SEL1L2: variants seen among roughly 807,000 people sequenced by gnomAD.
The protein encoded by SEL1L2 is protein sel-1 homolog 2.
SEL1L2 carries 89 observed loss-of-function variants against 98.8 expected under a neutral mutation model. The observed-to-expected ratio is 0.90, with a 90% CI of 0.76 to 1.07. SEL1L2 has a LOEUF of 1.07. Ranked by LOEUF, SEL1L2 falls within the 50% of genes least tolerant of loss-of-function variation. SEL1L2 has a pLI of 0.00. For synonymous variants in SEL1L2, 262 were observed against 278.5 expected (o/e 0.94, Z 0.59); for missense variants, 788 against 812.0 (o/e 0.97, Z 0.36).
chr20:13,943,178 T>A (rs971491910), intron 2 of SEL1L2, among the ~76,000 whole-genome samples: 1 of 152,146 alleles, frequency 6.6e-6, no homozygotes, highest in African/African-American at 2.4e-5. Context: ...CCTTCTAATA[T>A]CACCAAATAA....
chr20:13,964,514 G>A (rs1406587028), intron 1 of SEL1L2, among the ~76,000 whole-genome samples: 1 of 141,274 alleles, frequency 7.1e-6, no homozygotes, highest in Non-Finnish European at 1.5e-5. Context: ...GTGCAATGGC[G>A]CAATCTCAGC....
rs2046086853 is a variant in SEL1L2, at chr20:13,869,576, T to G, written c.1182A>C (p.Ala394=). The G allele has an allele frequency of 6.2e-7, 1 of 1,613,884 alleles. No individual in the cohort carries two copies. The highest frequency in any genetic ancestry group is 1.3e-5 in the African/African-American group (1 of 74,928). ...GKGVPLNYAE[A]LKYFQKAAEK... ...CCGCAGCTTTCTGAAAGTATTTAAGTGCTTCGGCATAATTCTGCAAGATAA... is the reference window on the plus strand; with the variant it reads ...CCGCAGCTTTCTGAAAGTATTTAAGGGCTTCGGCATAATTCTGCAAGATAA... The change falls in exon 14 of 20, where the codon GCA becomes GCC. Residue 394 remains alanine, a synonymous_variant. Coordinates refer to ENST00000284951, the MANE Select transcript of SEL1L2 (RefSeq NM_025229.2).
intron 2 of SEL1L2, among the ~76,000 whole-genome samples, chr20:13,948,964 C>T (rs2050139295): frequency 6.6e-6 from 1 of 152,060 alleles, no homozygotes; most frequent in African/African-American, 2.4e-5. Context: ...CTATGTTTAT[C>T]CAAAAAACTA....
chr20:13,924,249 A>G lies in SEL1L2; in HGVS notation c.284-5126T>C, dbSNP rs1023777211. 4.6e-5 allele frequency among the ~76,000 whole-genome samples: 7 copies of G among 151,314 alleles called. No individual in the cohort carries two copies. In the South Asian group the frequency reaches 6.3e-4, roughly 14 times the overall value. On this transcript the variant is annotated intron_variant, in intron 3 of 19. Transcript: ENST00000284951. ...AAGTATGGTATTTTTCTTTCAATCT[A>G]AGAGTATCTCTTCTTCAACTTGGTT...
intron 2 of SEL1L2, among the ~76,000 whole-genome samples, chr20:13,937,286 G>A (rs942292086): frequency 6.6e-6 from 1 of 152,162 alleles, no homozygotes; most frequent in African/African-American, 2.4e-5. Flanking sequence ...GTGAAAAAGG[G>A]GTCCTCGGAG....
upstream of SEL1L2, among the ~76,000 whole-genome samples, chr20:13,991,243 T>C (rs753433590): frequency 5.3e-5 from 8 of 152,242 alleles, no homozygotes; most frequent in African/African-American, 9.6e-5. Context: ...TGAGAAATTA[T>C]GCCTACAAAA....
chr20:13,960,428 T>C (rs1468326909), intron 1 of SEL1L2, among the ~76,000 whole-genome samples: 2 of 152,146 alleles, frequency 1.3e-5, no homozygotes, highest in Admixed American at 6.5e-5. Flanking sequence ...AGCATATAAC[T>C]GAAGGAATTA....
chr20:13,984,019 CTTT>C (rs11475402), intron 1 of SEL1L2, among the ~76,000 whole-genome samples: 27 of 132,146 alleles, frequency 2.0e-4, no homozygotes, highest in Non-Finnish European at 2.2e-4. Context: ...AATCAGATTC[CTTT>C]TTTTTTTTTT....
chr20:13,926,090 G>A (rs759594505), intron 3 of SEL1L2, among the ~76,000 whole-genome samples: 1 of 152,308 alleles, frequency 6.6e-6, no homozygotes, highest in South Asian at 2.1e-4. Flanking sequence ...AGGACAAGGC[G>A]GGCGAATCAC....
chr20:13,850,481 C>G (rs537377666), intron 18 of SEL1L2, among the ~76,000 whole-genome samples, 162 bp from the exon 19 acceptor site: 2 of 152,240 alleles, frequency 1.3e-5, no homozygotes, highest in South Asian at 4.2e-4. Context: ...AACCTTTAAA[C>G]AGAGTTATCT....
At chr20:13,982,039 T>A (rs1219509546) in intron 1 of SEL1L2, among the ~76,000 whole-genome samples, 1 of 152,202 alleles carries the variant, frequency 6.6e-6, no homozygotes, top group Non-Finnish European at 1.5e-5. Context: ...TAGACATGAC[T>A]GTGAGGCAAC....
chr20:13,924,262 C>T (rs2048781974), intron 3 of SEL1L2, among the ~76,000 whole-genome samples: 1 of 150,720 alleles, frequency 6.6e-6, no homozygotes. Flanking sequence ...AGTATCTCTT[C>T]TTCAACTTGG....
intron 10 of SEL1L2, among the ~76,000 whole-genome samples, chr20:13,879,498 C>T (rs924332691): frequency 2.1e-4 from 32 of 151,982 alleles, no homozygotes; most frequent in Admixed American, 3.9e-4. Flanking sequence ...ACTACAGGTG[C>T]GTGACCACCA....
chr20:13,886,104 C>A (rs988393320), intron 9 of SEL1L2, among the ~76,000 whole-genome samples, 184 bp downstream of exon 9: 1 of 152,024 alleles, frequency 6.6e-6, no homozygotes, highest in Non-Finnish European at 1.5e-5. Context: ...GCAACTAGTT[C>A]TCCAGTGGGC....
intron 2 of SEL1L2, among the ~76,000 whole-genome samples, chr20:13,944,137 G>T (rs2049905858): frequency 6.6e-6 from 1 of 152,190 alleles, no homozygotes; most frequent in Non-Finnish European, 1.5e-5. Flanking sequence ...CAAAGGCCCT[G>T]AGGTAGACAG....
At chr20:13,967,183 A>G (rs2051086654) in intron 1 of SEL1L2, among the ~76,000 whole-genome samples, 1 of 152,122 alleles carries the variant, frequency 6.6e-6, no homozygotes, top group Admixed American at 6.5e-5. Context: ...GCCCAGCCAA[A>G]ACCTATCTTT....
chr20:13,869,469 T>C (rs201997672), intron 14 of SEL1L2, 34 bp downstream of exon 14: 1 of 1,491,168 alleles, frequency 6.7e-7, no homozygotes, highest in African/African-American at 1.4e-5. Flanking sequence ...GCATATGTCA[T>C]TCTAAATAAA....
intron 5 of SEL1L2, among the ~76,000 whole-genome samples, chr20:13,895,616 C>T (rs56065469): frequency 8.3e-4 from 126 of 152,128 alleles, no homozygotes; most frequent in Admixed American, 1.7e-3. Context: ...AATAAAAGGC[C>T]GTATATAAAA....
chr20:13,983,153 G>C (rs190255681), intron 1 of SEL1L2, among the ~76,000 whole-genome samples: 2 of 151,168 alleles, frequency 1.3e-5, no homozygotes, highest in East Asian at 2.0e-4. Context: ...GGGATGGACT[G>C]TTCATTCCTT....
Sources: gnomAD v4.1 joint callset for allele counts (sites outside exome capture counted in the v4.1 genomes callset) on GRCh38, gnomAD v4.1.1 for gene constraint, MANE v1.5 for transcripts, NCBI Gene and HGNC (gene_info 2026-07-23, HGNC 2026-07-21) for gene names.